Variants in ANKS1A observed in about 807,000 individuals in gnomAD.
The protein encoded by ANKS1A is ankyrin repeat and SAM domain-containing protein 1A.
Under a neutral mutation model 120.3 loss-of-function variants are expected in ANKS1A, and 55 were observed. The ratio of observed to expected loss-of-function variants is 0.46; its 90% confidence interval spans 0.37 to 0.57. The LOEUF is 0.57. Among genes scored for constraint, ANKS1A ranks in the 20% least tolerant of loss-of-function variants. The pLI is 0.00. For missense variants in ANKS1A, 1,123 were observed against 1,480.3 expected (o/e 0.76, Z 3.96); for synonymous variants, 590 against 604.7 (o/e 0.98, Z 0.36).
intron 1 of ANKS1A, among the ~76,000 whole-genome samples, chr6:34,902,337 C>T (rs936691924): frequency 1.3e-5 from 2 of 152,058 alleles, no homozygotes; most frequent in African/African-American, 2.4e-5. Context: ...CAACCTCCAC[C>T]TGCCGGGTTC....
chr6:34,970,827 C>A (rs560631366), intron 3 of ANKS1A, among the ~76,000 whole-genome samples: 1 of 151,698 alleles, frequency 6.6e-6, no homozygotes, highest in Non-Finnish European at 1.5e-5. Flanking sequence ...CCCAACCCCC[C>A]AGGCCCCATC....
chr6:35,025,685 C>T (rs1375400615), intron 11 of ANKS1A, among the ~76,000 whole-genome samples: 3 of 151,960 alleles, frequency 2.0e-5, no homozygotes, highest in Non-Finnish European at 4.4e-5. Context: ...CTACTTTTCT[C>T]ATTCATTTTT....
chr6:35,028,961 A>C (rs565560029), intron 11 of ANKS1A, among the ~76,000 whole-genome samples: 1 of 152,310 alleles, frequency 6.6e-6, no homozygotes, highest in South Asian at 2.1e-4. Context: ...GTGCGTGTTA[A>C]ATTTACTTTC....
At position 35,086,488 on chromosome 6, in the gene ANKS1A, C is replaced by T. The variant is rs951444276; in HGVS notation, c.3304-464C>T. On this transcript the variant is annotated intron_variant, in intron 22 of 23. Coordinates refer to ENST00000360359, the MANE Select transcript of ANKS1A (RefSeq NM_015245.3). This position sits in a 1 kb window ranked among gnomAD's most constrained non-coding sequence, Gnocchi z 5.1. ...ATTCTTTCCCCTCTTCCTGAGATGCCCTCTGCCTGTTCTGTGTGTGCTTCA... is the reference window on the plus strand; with the variant it reads ...ATTCTTTCCCCTCTTCCTGAGATGCTCTCTGCCTGTTCTGTGTGTGCTTCA... 10 of 622,084 alleles carry T rather than the reference C, an allele frequency of 1.6e-5. No homozygotes were observed. In the Admixed American group the frequency reaches 2.4e-4, roughly 15 times the overall value. 38.5% of individuals were successfully genotyped at this position (622,084 alleles called of 1,614,324 possible).
chr6:34,889,615 G>A lies in ANKS1A; in HGVS notation c.197+16G>A. 1 of 1,284,032 alleles carries A rather than the reference G, an allele frequency of 7.8e-7. No homozygotes were observed. Among genetic ancestry groups the A allele is most frequent in the Non-Finnish European group, 9.8e-7 (1 of 1,020,850 alleles). The allele number at this position is 1,284,032 out of a possible 1,614,324, so 79.5% of individuals were successfully genotyped here. A position where few individuals can be genotyped will look rare whatever the true frequency, so the allele number is the denominator to read the frequency against. Reference sequence around the variant, plus strand: ...GTCTGCTCAGGTGGGTACGCGCCAGGGCCGGGCCGCTGCCTGCAGACCCTT... The same window carrying A: ...GTCTGCTCAGGTGGGTACGCGCCAGAGCCGGGCCGCTGCCTGCAGACCCTT... On this transcript the variant is annotated intron_variant, in intron 1 of 23. Coordinates refer to ENST00000360359, the MANE Select transcript of ANKS1A (RefSeq NM_015245.3). The surrounding 1 kb of genome is among the most constrained non-coding windows in gnomAD (Gnocchi z 5.5).
chr6:35,017,534 C>T lies in ANKS1A; in HGVS notation c.1485C>T (p.Val495=), dbSNP rs201153896. Residue 495 remains valine (V), a synonymous_variant, in exon 11 of 24, where the codon GTC becomes GTT. Coordinates refer to ENST00000360359, the MANE Select transcript of ANKS1A (RefSeq NM_015245.3). ...QDSAEGQDGQ[V]PEQFSGLLHG... is the part of the protein sequence containing the mutation. ...CTGCGGAGGGGCAGGACGGGCAGGT[C>T]CCAGAGCAGTTCTCAGGCCTCCTCC... 32 of 1,613,864 alleles carry T rather than the reference C, an allele frequency of 2.0e-5. 1 individual carries two copies. In the South Asian group the frequency reaches 3.2e-4, roughly 16 times the overall value.
intron 11 of ANKS1A, among the ~76,000 whole-genome samples, chr6:35,031,196 G>C (rs983568117): frequency 6.6e-6 from 1 of 151,726 alleles, no homozygotes; most frequent in African/African-American, 2.4e-5. Context: ...TGTGATTTCT[G>C]CCCTGGAGAT....
intron 1 of ANKS1A, among the ~76,000 whole-genome samples, chr6:34,947,235 T>C (rs1442719205): frequency 6.9e-6 from 1 of 144,596 alleles, no homozygotes; most frequent in African/African-American, 2.6e-5. Context: ...AACCTCTGCC[T>C]CCCAGGTTCA....
At chr6:34,938,825 A>C (rs1409766310) in intron 1 of ANKS1A, among the ~76,000 whole-genome samples, 2 of 152,136 alleles carry the variant, frequency 1.3e-5, no homozygotes, top group Non-Finnish European at 2.9e-5. Flanking sequence ...CCATCTCTAC[A>C]AAAACTACAA....
At position 34,967,314 on chromosome 6, in the gene ANKS1A, C is replaced by T. The variant is rs765814131; in HGVS notation, c.273C>T (p.Gly91=). The T allele has an allele frequency of 6.2e-7, 1 of 1,613,608 alleles. No homozygotes were observed. The change falls in exon 2 of 24, where the codon GGC becomes GGT. Residue 91 remains glycine, a synonymous_variant. Coordinates refer to ENST00000360359, the MANE Select transcript of ANKS1A (RefSeq NM_015245.3). ...YTPLHHAALN[G]HKDVVEVLLR... ...CCCTGCACCATGCTGCTTTGAATGG[C>T]CATAAGTAAGTATCAATGTACTACA...
At chr6:34,928,434 T>A (rs957998293) in intron 1 of ANKS1A, among the ~76,000 whole-genome samples, 1 of 152,162 alleles carries the variant, frequency 6.6e-6, no homozygotes, top group African/African-American at 2.4e-5. Context: ...AGGCCAAGGC[T>A]TTATCCCAAA....
At chr6:34,902,098 C>T (rs1767377331) in intron 1 of ANKS1A, among the ~76,000 whole-genome samples, 1 of 152,160 alleles carries the variant, frequency 6.6e-6, no homozygotes, top group Non-Finnish European at 1.5e-5. Context: ...GTGTTTAAGA[C>T]TCAGCTGGAG....
chr6:34,981,928 A>G lies in ANKS1A; in HGVS notation c.674A>G (p.Asn225Ser). Residue 225 changes from asparagine to serine, a missense_variant, in exon 4 of 24, where the codon AAT (asparagine) becomes AGT (serine). Around this residue, in one of 3 missense-constraint regions of ANKS1A, gnomAD observed 146 missense variants for 267.8 expected, o/e 0.55. Transcript: ENST00000360359. ...ACCCCTCTGCACTTGGCAGCAAGGA[A>G]TGGCCACAAAGCCGTGGTCCAGGTC... ...KHTPLHLAARNGHKAVVQVLL... is the reference protein window; with the variant it reads ...KHTPLHLAARSGHKAVVQVLL... The G allele has an allele frequency of 6.2e-7, 1 of 1,614,188 alleles. No homozygotes were observed. The highest frequency in any genetic ancestry group is 8.5e-7 in the Non-Finnish European group (1 of 1,180,026).
chr6:34,929,195 A>G (rs944816379), intron 1 of ANKS1A, among the ~76,000 whole-genome samples: 2 of 152,226 alleles, frequency 1.3e-5, no homozygotes, highest in African/African-American at 2.4e-5. Flanking sequence ...AGGAATGAGT[A>G]CTGTTGGTAC....
downstream of ANKS1A, among the ~76,000 whole-genome samples, chr6:35,094,083 G>A (rs750467197): frequency 2.6e-5 from 4 of 152,228 alleles, no homozygotes; most frequent in Non-Finnish European, 4.4e-5. Flanking sequence ...GCCAGGTGGG[G>A]AAGCTGGGCT....
chr6:34,921,840 T>TA (rs1768447505), intron 1 of ANKS1A, among the ~76,000 whole-genome samples: 1 of 152,116 alleles, frequency 6.6e-6, no homozygotes, highest in Admixed American at 6.5e-5. Flanking sequence ...AGGACTGAGG[T>TA]GCACACCGCC....
At chr6:34,950,981 T>C (rs1770067038) in intron 1 of ANKS1A, among the ~76,000 whole-genome samples, 2 of 152,210 alleles carry the variant, frequency 1.3e-5, no homozygotes, top group African/African-American at 4.8e-5. Flanking sequence ...ACAAAAGTAA[T>C]ATATGCCTCA....
rs1416329212 is a variant in ANKS1A at position 35,057,886 on chromosome 6, G to T, written c.2078-2261G>T. Among the ~76,000 whole-genome samples the T allele has an allele frequency of 6.6e-6, 1 of 152,232 alleles. No individual in the cohort carries two copies. Among genetic ancestry groups the T allele is most frequent in the Non-Finnish European group, 1.5e-5 (1 of 68,046 alleles). On this transcript the variant is annotated intron_variant, in intron 12 of 23. Coordinates refer to ENST00000360359, the MANE Select transcript of ANKS1A (RefSeq NM_015245.3). This position sits in a 1 kb window ranked among gnomAD's most constrained non-coding sequence, Gnocchi z 4.1. ...CTGGTCATTCCTGTGTCCTCTCCTG[G>T]CTGTCCTGGAAACTGTCGAACAAAG... is the stretch of plus-strand genomic sequence containing the variant.
intron 1 of ANKS1A, among the ~76,000 whole-genome samples, chr6:34,924,036 C>T (rs950892677): frequency 2.0e-5 from 3 of 151,948 alleles, no homozygotes. Context: ...GTTGGCTTGG[C>T]CCCATGGCCT....
Sources: gnomAD v4.1 joint callset for allele counts (sites outside exome capture counted in the v4.1 genomes callset) on GRCh38, gnomAD v4.1.1 for gene constraint, gnomAD v4.1.1 regional missense constraint, Gnocchi (gnomAD v3.1) non-coding constraint, MANE v1.5 for transcripts, NCBI Gene and HGNC (gene_info 2026-07-23, HGNC 2026-07-21) for gene names.